SLC2A13: variants seen among roughly 807,000 people sequenced by gnomAD.
The protein encoded by SLC2A13 is proton myo-inositol cotransporter.
Under a neutral mutation model 64.4 loss-of-function variants are expected in SLC2A13, and 32 were observed. That is an observed-to-expected ratio of 0.50 (90% CI 0.37 to 0.67). The LOEUF (loss-of-function observed/expected upper bound fraction) is 0.67, where lower values mean the gene tolerates loss of function less well. Among genes scored for constraint, SLC2A13 ranks in the 30% least tolerant of loss-of-function variants. The pLI, the probability that SLC2A13 is intolerant of heterozygous loss-of-function variation, is 0.00. For synonymous variants in SLC2A13, 338 were observed against 327.1 expected (o/e 1.03, Z -0.36); for missense variants, 743 against 829.2 (o/e 0.90, Z 1.28).
At chr12:39,876,264 C>T (rs900220739) in intron 4 of SLC2A13, among the ~76,000 whole-genome samples, 1 of 152,160 alleles carries the variant, frequency 6.6e-6, no homozygotes, top group Non-Finnish European at 1.5e-5. Flanking sequence ...AAATCTGACT[C>T]ACACAAAACA....
chr12:39,949,790 C>T (rs12309070), intron 4 of SLC2A13: 28 of 152,160 alleles, frequency 1.8e-4, no homozygotes, highest in African/African-American at 6.0e-4. Flanking sequence ...GGTCAACTAA[C>T]GAATTCACAT....
At chr12:39,951,958 T>C (rs938988844) in intron 3 of SLC2A13, among the ~76,000 whole-genome samples, 1 of 152,110 alleles carries the variant, frequency 6.6e-6, no homozygotes, top group African/African-American at 2.4e-5. Context: ...CTATTATCTA[T>C]AGATGTGTGT....
At chr12:39,905,618 A>G (rs182747292) in intron 4 of SLC2A13, among the ~76,000 whole-genome samples, 113 of 152,236 alleles carry the variant, frequency 7.4e-4, no homozygotes, top group African/African-American at 2.6e-3. Context: ...TTAGTCTTGC[A>G]AATGCTGCTG....
At chr12:40,025,217 G>A (rs982473074) in intron 3 of SLC2A13, among the ~76,000 whole-genome samples, 1 of 152,206 alleles carries the variant, frequency 6.6e-6, no homozygotes, top group African/African-American at 2.4e-5. Context: ...CCATGGTATG[G>A]CCTGGAAGCC....
At chr12:39,812,187 C>G (rs545451201) in intron 7 of SLC2A13, among the ~76,000 whole-genome samples, 1 of 152,152 alleles carries the variant, frequency 6.6e-6, no homozygotes, top group African/African-American at 2.4e-5. Flanking sequence ...CATCTTTCAT[C>G]TGTGCCCTCA....
Position 39,889,680 on chromosome 12 carries a change from C to A in SLC2A13, c.1035-17719G>T, listed in dbSNP as rs150791585. On this transcript the variant is annotated intron_variant, in intron 4 of 9. Coordinates refer to ENST00000280871, the MANE Select transcript of SLC2A13 (RefSeq NM_052885.4). Reference sequence around the variant, plus strand: ...CCTGAGTAGCTGGGACTACAGGTGCCCACCACCACGCCCGGCTAATTTTTG... The same window carrying A: ...CCTGAGTAGCTGGGACTACAGGTGCACACCACCACGCCCGGCTAATTTTTG... Among the ~76,000 whole-genome samples, 361 of 151,724 alleles carry A rather than the reference C, an allele frequency of 2.4e-3. 2 individuals carry two copies. The highest frequency in any genetic ancestry group is 8.2e-3 in the African/African-American group (340 of 41,386).
Position 40,091,207 on chromosome 12 carries a change from C to T in SLC2A13, c.556+14046G>A, listed in dbSNP as rs184005093. Reference sequence around the variant, plus strand: ...AATCTTATGGGACCACCATCCTATACGCAGTCATCCTCCACTGAAATGTCA... The same window carrying T: ...AATCTTATGGGACCACCATCCTATATGCAGTCATCCTCCACTGAAATGTCA... On this transcript the variant is annotated intron_variant, in intron 1 of 9. Coordinates refer to ENST00000280871, the MANE Select transcript of SLC2A13 (RefSeq NM_052885.4). Among the ~76,000 whole-genome samples, 6 of 152,280 alleles carry T rather than the reference C, an allele frequency of 3.9e-5. No homozygotes were observed. In the East Asian group the frequency reaches 7.7e-4, roughly 20 times the overall value.
intron 3 of SLC2A13, among the ~76,000 whole-genome samples, chr12:39,951,922 A>G (rs915097591): frequency 6.6e-6 from 1 of 152,156 alleles, no homozygotes; most frequent in Non-Finnish European, 1.5e-5. Context: ...GTTACCAAAA[A>G]GTTAATAAAG....
intron 1 of SLC2A13, among the ~76,000 whole-genome samples, chr12:40,097,262 TC>T (rs546562188): frequency 1.0e-3 from 156 of 152,254 alleles, no homozygotes; most frequent in African/African-American, 3.6e-3. Flanking sequence ...AATGACATAC[TC>T]CTAGAAGTAA....
chr12:39,999,494 G>C (rs561979476), intron 3 of SLC2A13, among the ~76,000 whole-genome samples: 1 of 151,888 alleles, frequency 6.6e-6, no homozygotes, highest in Non-Finnish European at 1.5e-5. Flanking sequence ...TTGAGATAAG[G>C]ACTGAAATAT....
At chr12:40,014,490 A>AT (rs201727488) in intron 3 of SLC2A13, among the ~76,000 whole-genome samples, 398 of 151,044 alleles carry the variant, frequency 2.6e-3, no homozygotes, top group Non-Finnish European at 4.5e-3. Context: ...AAAGATATTC[A>AT]TTTTTTTTTC....
rs185780626 is a variant in SLC2A13 at position 39,785,631 on chromosome 12, G to A, written c.1446-20773C>T. 1.8e-3 allele frequency among the ~76,000 whole-genome samples: 268 copies of A among 152,210 alleles called. 1 individual carries two copies. Among genetic ancestry groups the A allele is most frequent in the African/African-American group, 5.9e-3 (247 of 41,544 alleles). ...CAGACCCCAGAATGGTAGATCCACC[G>A]ACAGCTTGCACTATGAGCCTGGAAA... On this transcript the variant is annotated intron_variant, in intron 7 of 9. Transcript: ENST00000280871.
rs573239174 is a variant in SLC2A13 at position 39,818,011 on chromosome 12, T to G, written c.1445+12092A>C. Among the ~76,000 whole-genome samples the G allele has an allele frequency of 2.6e-5, 4 of 152,328 alleles. No individual in the cohort carries two copies. The South Asian group carries it at 8.3e-4, about 32-fold the overall frequency. ...CTCTGCTTTGTCCTTTCAAGTAGTATCTCTTTATGGTAACACTTTCCAGCT... is the reference window on the plus strand; with the variant it reads ...CTCTGCTTTGTCCTTTCAAGTAGTAGCTCTTTATGGTAACACTTTCCAGCT... On this transcript the variant is annotated intron_variant, in intron 7 of 9. Transcript: ENST00000280871.
chr12:39,794,145 A>C (rs941004167), intron 7 of SLC2A13, among the ~76,000 whole-genome samples: 6 of 150,874 alleles, frequency 4.0e-5, no homozygotes, highest in Admixed American at 6.6e-5. Context: ...AAAAAAAAAA[A>C]AAAACCAAAA....
chr12:40,101,117 G>A (rs977671851), intron 1 of SLC2A13, among the ~76,000 whole-genome samples: 1 of 151,820 alleles, frequency 6.6e-6, no homozygotes, highest in African/African-American at 2.4e-5. Flanking sequence ...AGAAAGTCTA[G>A]TGTCAGGACT....
intron 3 of SLC2A13, among the ~76,000 whole-genome samples, chr12:39,961,271 G>T (rs987399669): frequency 5.9e-5 from 9 of 151,698 alleles, no homozygotes; most frequent in Non-Finnish European, 1.3e-4. Flanking sequence ...TAGAGATGGG[G>T]TTTCACCATG....
At chr12:39,888,848 CTAT>C (rs1944531384) in intron 4 of SLC2A13, among the ~76,000 whole-genome samples, 1 of 152,116 alleles carries the variant, frequency 6.6e-6, no homozygotes, top group Non-Finnish European at 1.5e-5. Context: ...ACACATACTA[CTAT>C]GATTTGACCC....
At chr12:40,024,871 C>G (rs1467858959) in intron 3 of SLC2A13, among the ~76,000 whole-genome samples, 1 of 152,106 alleles carries the variant, frequency 6.6e-6, no homozygotes, top group African/African-American at 2.4e-5. Flanking sequence ...TAAAAAGAAA[C>G]TGAGGCGCGG....
chr12:39,907,621 C>T (rs761342439), intron 4 of SLC2A13: 12 of 152,076 alleles, frequency 7.9e-5, no homozygotes, highest in Non-Finnish European at 1.5e-4. Context: ...GATTACAATT[C>T]CTCTACCCAT....
Sources: gnomAD v4.1 joint callset for allele counts (sites outside exome capture counted in the v4.1 genomes callset) on GRCh38, gnomAD v4.1.1 for gene constraint, MANE v1.5 for transcripts, NCBI Gene and HGNC (gene_info 2026-07-23, HGNC 2026-07-21) for gene names.